Variants in KDM4B observed in about 807,000 individuals in gnomAD.
The protein encoded by KDM4B is lysine demethylase 4B, also known as lysine-specific demethylase 4B.
A neutral mutation model predicts 125.2 loss-of-function variants in KDM4B; 32 were observed. The observed-to-expected ratio is 0.26, with a 90% CI of 0.19 to 0.34. The LOEUF is 0.34. Ranked by LOEUF, KDM4B falls within the 10% of genes least tolerant of loss-of-function variation. The pLI is 1.00. For synonymous variants in KDM4B, 721 were observed against 677.9 expected, an observed-to-expected ratio of 1.06 and a Z score of -0.99; for missense variants, 1,190 against 1,577.7, an observed-to-expected ratio of 0.75 and a Z score of 4.16.
At chr19:5,045,429 C>T (rs185467749) in intron 5 of KDM4B, among the ~76,000 whole-genome samples, 2 of 152,246 alleles carry the variant, frequency 1.3e-5, no homozygotes, top group Non-Finnish European at 2.9e-5. Context: ...CTCTGTTGCC[C>T]AGGTTGGAGT....
chr19:5,094,514 C>T (rs976477401), intron 9 of KDM4B, among the ~76,000 whole-genome samples: 12 of 151,984 alleles, frequency 7.9e-5, no homozygotes, highest in African/African-American at 1.5e-4. Context: ...GCAGGGAGCC[C>T]GGCGTGGATG....
At chr19:5,143,898 C>T (rs918150434) in intron 18 of KDM4B, 69 bp from the exon 19 acceptor site, 51 of 1,267,468 alleles carry the variant, frequency 4.0e-5, no homozygotes, top group Non-Finnish European at 5.0e-5. Context: ...CGGGAGGGGC[C>T]GGGGACTCCG....
rs143637246 is a variant in KDM4B, at chr19:5,026,396, C to T, written c.-25-6470C>T. ...GTAGTGATGTGATCACAGCTCACTG[C>T]GGCCTCAAACTCCTGAGCTCAATCG... On this transcript the variant is annotated intron_variant, in intron 2 of 22. Coordinates refer to ENST00000159111, the MANE Select transcript of KDM4B (RefSeq NM_015015.3). Among the ~76,000 whole-genome samples the T allele has an allele frequency of 6.7e-3, 1,014 of 152,222 alleles. 10 individuals carry two copies. The highest frequency in any genetic ancestry group is 0.023 in the African/African-American group (959 of 41,538).
chr19:5,037,208 C>T (rs568260547), intron 3 of KDM4B, among the ~76,000 whole-genome samples: 12 of 152,290 alleles, frequency 7.9e-5, no homozygotes, highest in Middle Eastern at 3.4e-3. Context: ...GATTTGGAGC[C>T]GGGCCAGGTT....
rs1342526176 is a variant in KDM4B, at chr19:5,082,902, TG to T, written c.918+401del. On this transcript the variant is annotated intron_variant, in intron 9 of 22. Coordinates refer to ENST00000159111, the MANE Select transcript of KDM4B (RefSeq NM_015015.3). This position sits in a 1 kb window ranked among gnomAD's most constrained non-coding sequence, Gnocchi z 5.4. ...CTCCTGGCCATCATGGTCCTGGGGT[TG>T]GGTTGTTTGCTGACATCTCTCTCCT... Among the ~76,000 whole-genome samples the T allele has an allele frequency of 2.0e-5, 3 of 152,112 alleles. No homozygotes were observed. Among genetic ancestry groups the T allele is most frequent in the Non-Finnish European group, 4.4e-5 (3 of 68,004 alleles).
intron 5 of KDM4B, among the ~76,000 whole-genome samples, chr19:5,044,036 G>A (rs369915653): frequency 3.0e-5 from 2 of 65,924 alleles, no homozygotes; most frequent in Admixed American, 1.6e-4. Flanking sequence ...TATCCCACGC[G>A]GTGTTTATCG....
At chr19:5,149,223 C>T (rs890636227) in intron 21 of KDM4B, among the ~76,000 whole-genome samples, 16 of 152,256 alleles carry the variant, frequency 1.1e-4, no homozygotes, top group South Asian at 2.1e-4. Context: ...CTACGTGGGG[C>T]GTCTAGCCCC....
rs1206888558 is a variant in KDM4B, at chr19:5,081,533, A to C, written c.781-834A>C. 1.3e-5 allele frequency among the ~76,000 whole-genome samples: 2 copies of C among 151,858 alleles called. No individual in the cohort carries two copies. The highest frequency in any genetic ancestry group is 4.8e-5 in the African/African-American group (2 of 41,320). ...TGGGTCTGGGGTCATTGTGGGCCCC[A>C]CCCCAGCCACGCACGCCTCGGCTCC... On this transcript the variant is annotated intron_variant, in intron 8 of 22. Transcript: ENST00000159111. This position sits in a 1 kb window ranked among gnomAD's most constrained non-coding sequence, Gnocchi z 4.2.
At chr19:5,133,857 T>G in intron 13 of KDM4B, 26 bp from the exon 14 acceptor site, 1 of 1,608,714 alleles carries the variant, frequency 6.2e-7, no homozygotes, top group Non-Finnish European at 8.5e-7. Context: ...CAAGTGTCTC[T>G]CTCCCTCTCC....
At chr19:5,083,021 C>T (rs1432268034) in intron 9 of KDM4B, among the ~76,000 whole-genome samples, 1 of 152,216 alleles carries the variant, frequency 6.6e-6, no homozygotes, top group Non-Finnish European at 1.5e-5. Context: ...CTCCCAGTGC[C>T]TGGGTGCTTC....
At position 5,114,592 on chromosome 19, in the gene KDM4B, C is replaced by G. The variant is rs2039219473; in HGVS notation, c.1115+3774C>G. Reference sequence around the variant, plus strand: ...GCTGTCTCCTGTCTCTTTCCTAGAGCTGCCCTTCATTTTCTCAAAGGTGAA... The same window carrying G: ...GCTGTCTCCTGTCTCTTTCCTAGAGGTGCCCTTCATTTTCTCAAAGGTGAA... On this transcript the variant is annotated intron_variant, in intron 10 of 22. Coordinates refer to ENST00000159111, the MANE Select transcript of KDM4B (RefSeq NM_015015.3). This position sits in a 1 kb window ranked among gnomAD's most constrained non-coding sequence, Gnocchi z 5.8. 6.2e-6 allele frequency: 2 copies of G among 321,826 alleles called. No homozygotes were observed. Among genetic ancestry groups the G allele is most frequent in the Non-Finnish European group, 1.2e-5 (2 of 163,106 alleles). The allele number at this position is 321,826 out of a possible 1,614,324, so 19.9% of individuals were successfully genotyped here.
Position 5,082,357 on chromosome 19 carries a change from C to G in KDM4B, c.781-10C>G, listed in dbSNP as rs747918011. 1 of 1,613,416 alleles carries G rather than the reference C, an allele frequency of 6.2e-7. No homozygotes were observed. The highest frequency in any genetic ancestry group is 1.3e-5 in the African/African-American group (1 of 75,026). On this transcript the variant is annotated splice_polypyrimidine_tract_variant and intron_variant, in intron 8 of 22. Coordinates refer to ENST00000159111, the MANE Select transcript of KDM4B (RefSeq NM_015015.3). This position sits in a 1 kb window ranked among gnomAD's most constrained non-coding sequence, Gnocchi z 5.4. ...GGCCCTGCCCTCACCTGTCTCCTTT[C>G]CCTCTGCAGATCACGCAGGAGGCCG...
chr19:5,119,584 C>G, intron 10 of KDM4B, 69 bp from the exon 11 acceptor site: 1 of 1,424,766 alleles, frequency 7.0e-7, no homozygotes, highest in Non-Finnish European at 9.7e-7. Flanking sequence ...TGCTGCCGGA[C>G]AGAGTGCACA....
At position 5,078,929 on chromosome 19, in the gene KDM4B, G is replaced by A. The variant is rs777283693; in HGVS notation, c.780+1459G>A. On this transcript the variant is annotated intron_variant, in intron 8 of 22. Transcript: ENST00000159111. The surrounding 1 kb of genome is among the most constrained non-coding windows in gnomAD (Gnocchi z 4.5). ...GTGAAGGCCCCTGTCCCACTGCAGC[G>A]AACAGCACCCTGTGCCGCCCGGCCT... 6.6e-6 allele frequency: 1 copy of A among 152,124 alleles called. No individual in the cohort carries two copies. The highest frequency in any genetic ancestry group is 2.4e-5 in the African/African-American group (1 of 41,422). The allele number at this position is 152,124 out of a possible 1,614,324, so 9.4% of individuals were successfully genotyped here.
rs1016611563 is a variant in KDM4B at position 5,152,728 on chromosome 19, C to G, written c.*1217C>G. Reference sequence around the variant, plus strand: ...GCCTTCTCCAGGTGCCTCTCCCTCACCAGCTCTGCACCCCTCTGGGGAGCC... The same window carrying G: ...GCCTTCTCCAGGTGCCTCTCCCTCAGCAGCTCTGCACCCCTCTGGGGAGCC... On this transcript the variant is annotated 3_prime_UTR_variant, in exon 23 of 23. Coordinates refer to ENST00000159111, the MANE Select transcript of KDM4B (RefSeq NM_015015.3). 1 of 152,324 alleles carries G rather than the reference C, an allele frequency of 6.6e-6. No homozygotes were observed. The highest frequency in any genetic ancestry group is 1.5e-5 in the Non-Finnish European group (1 of 68,096). The allele number at this position is 152,324 out of a possible 1,614,324, so 9.4% of individuals were successfully genotyped here.
At chr19:5,057,214 T>C (rs879867023) in intron 6 of KDM4B, among the ~76,000 whole-genome samples, 9 of 152,276 alleles carry the variant, frequency 5.9e-5, no homozygotes, top group Non-Finnish European at 1.0e-4. Flanking sequence ...GGCGGCGCCC[T>C]TGCCTCTCCC....
chr19:5,115,300 C>G lies in KDM4B; in HGVS notation c.1116-4353C>G, dbSNP rs1400262846. ...GCTGGGGGGATGTGGGGGCAACCAG[C>G]AGAAGACAGTGGGTGGCTCTGGGCA... On this transcript the variant is annotated intron_variant, in intron 10 of 22. Transcript: ENST00000159111. This position sits in a 1 kb window ranked among gnomAD's most constrained non-coding sequence, Gnocchi z 4.2. Among the ~76,000 whole-genome samples the G allele has an allele frequency of 1.3e-5, 2 of 152,078 alleles. No homozygotes were observed. Among genetic ancestry groups the G allele is most frequent in the African/African-American group, 4.8e-5 (2 of 41,388 alleles).
chr19:5,110,979 G>C (rs187546746), intron 10 of KDM4B, among the ~76,000 whole-genome samples, 161 bp downstream of exon 10: 11 of 152,266 alleles, frequency 7.2e-5, no homozygotes, highest in Admixed American at 4.6e-4. Flanking sequence ...TCCTCCTCCT[G>C]TTCTGTTTCT....
At chr19:5,049,036 C>T (rs1218672131) in intron 6 of KDM4B, among the ~76,000 whole-genome samples, 1 of 152,070 alleles carries the variant, frequency 6.6e-6, no homozygotes, top group Admixed American at 6.5e-5. Context: ...TCGTGGGAGC[C>T]TGGGCTGGGG....
Sources: allele counts gnomAD v4.1 joint callset (sites outside exome capture counted in the v4.1 genomes callset), GRCh38; gene constraint gnomAD v4.1.1; non-coding constraint Gnocchi (gnomAD v3.1); transcripts MANE v1.5; gene names NCBI Gene and HGNC (gene_info 2026-07-23, HGNC 2026-07-21).